SAMMSON: variants seen among roughly 807,000 people sequenced by gnomAD.
The protein encoded by SAMMSON is survival associated mitochondrial melanoma specific oncogenic non-coding RNA, also known as long intergenic non-protein coding RNA 1212.
chr3:70,205,830 A>G (rs539605821), intron 4 of SAMMSON: 1 of 152,238 alleles, frequency 6.6e-6, no homozygotes, highest in African/African-American at 2.4e-5. Context: ...CTTTCTTTAA[A>G]TGCTAATGTA....
Position 70,145,794 on chromosome 3 carries a change from A to G in SAMMSON, n.507+74229A>G, listed in dbSNP as rs553556091. ...CTTACCTTCCACCTTAAGAAACTAG[A>G]AAAAAAGAGAAATGTTAACCAAAAT... On this transcript the variant is annotated intron_variant and non_coding_transcript_variant, in intron 4 of 9. Transcript: ENST00000642114. Among the ~76,000 whole-genome samples, 405 of 152,092 alleles carry G rather than the reference A, an allele frequency of 2.7e-3. 3 individuals carry two copies. The highest frequency in any genetic ancestry group is 0.02 in the South Asian group (97 of 4,824).
chr3:70,098,406 C>T (rs2067330693), intron 4 of SAMMSON, among the ~76,000 whole-genome samples: 1 of 151,918 alleles, frequency 6.6e-6, no homozygotes, highest in Non-Finnish European at 1.5e-5. Context: ...CTCGCTCTCT[C>T]TCCCAGGCTG....
At chr3:70,294,049 G>A (rs1016088993) in intron 7 of SAMMSON, among the ~76,000 whole-genome samples, 1 of 152,008 alleles carries the variant, frequency 6.6e-6, no homozygotes, top group African/African-American at 2.4e-5. Flanking sequence ...TTTTTATTAA[G>A]GATACAGCTT....
At chr3:70,407,174 C>A (rs1701183974) in intron 2 of SAMMSON, among the ~76,000 whole-genome samples, 1 of 152,184 alleles carries the variant, frequency 6.6e-6, no homozygotes, top group Admixed American at 6.5e-5. Flanking sequence ...CCTCCCACAA[C>A]ACATGGGAAT....
chr3:70,405,375 A>G (rs1701169869), intron 2 of SAMMSON, among the ~76,000 whole-genome samples: 1 of 152,194 alleles, frequency 6.6e-6, no homozygotes, highest in African/African-American at 2.4e-5. Flanking sequence ...TCTAATCACA[A>G]ATTACTACAC....
chr3:70,062,986 C>T (rs1559783548), intron 3 of SAMMSON, among the ~76,000 whole-genome samples: 1 of 152,108 alleles, frequency 6.6e-6, no homozygotes, highest in Non-Finnish European at 1.5e-5. Context: ...TTGACTTCAT[C>T]ACCTGGTGTC....
intron 1 of SAMMSON, among the ~76,000 whole-genome samples, chr3:70,003,017 T>C (rs1171060694): frequency 1.3e-5 from 2 of 152,148 alleles, no homozygotes; most frequent in African/African-American, 4.8e-5. Flanking sequence ...TTTTGATTCA[T>C]GTATTTTGAG....
rs1414189476 is a variant in SAMMSON, at chr3:70,038,564, A to C, written n.417+24892A>C. Among the ~76,000 whole-genome samples the C allele has an allele frequency of 2.0e-5, 3 of 152,178 alleles. No individual in the cohort carries two copies. The East Asian group carries it at 5.8e-4, about 29-fold the overall frequency. ...TGTACTAAGACTAGTATCTTAACAT[A>C]ATTTATACAGAAAGGCATTTTGCAT... On this transcript the variant is annotated intron_variant and non_coding_transcript_variant, in intron 3 of 9. Coordinates refer to ENST00000642114, the Ensembl canonical transcript of SAMMSON.
intron 2 of SAMMSON, among the ~76,000 whole-genome samples, chr3:70,414,123 T>C (rs1480693817): frequency 1.3e-5 from 2 of 152,144 alleles, no homozygotes; most frequent in African/African-American, 4.8e-5. Flanking sequence ...TGAAAATCTC[T>C]AGTTTCTGAT....
intron 6 of SAMMSON, among the ~76,000 whole-genome samples, chr3:70,255,080 C>T (rs1172081524): frequency 6.6e-6 from 1 of 152,048 alleles, no homozygotes; most frequent in Admixed American, 6.6e-5. Flanking sequence ...GCAGGTAAAA[C>T]CTGTGGAACA....
intron 4 of SAMMSON, among the ~76,000 whole-genome samples, chr3:70,156,131 T>C (rs561465117): frequency 6.6e-6 from 1 of 152,158 alleles, no homozygotes; most frequent in African/African-American, 2.4e-5. Context: ...ACTAAGTCCA[T>C]TCCCCTACTT....
At chr3:70,416,766 T>C (rs1701267545) in intron 2 of SAMMSON, among the ~76,000 whole-genome samples, 2 of 152,202 alleles carry the variant, frequency 1.3e-5, no homozygotes, top group African/African-American at 4.8e-5. Context: ...TTAAATTTAG[T>C]GAAATTTATA....
At chr3:70,198,038 T>C (rs756888444) in intron 4 of SAMMSON, among the ~76,000 whole-genome samples, 1 of 152,210 alleles carries the variant, frequency 6.6e-6, no homozygotes, top group Admixed American at 6.5e-5. Flanking sequence ...GATGTAGCAG[T>C]TCTCTTGTTA....
chr3:70,293,045 CAAAAAAAAA>C (rs55990203), intron 7 of SAMMSON, among the ~76,000 whole-genome samples: 6,559 of 74,816 alleles, frequency 0.088, 458 homozygotes, highest in East Asian at 0.5. Context: ...TGGTTTGAAG[CAAAAAAAAA>C]AAAAAAAAAA....
intron 6 of SAMMSON, among the ~76,000 whole-genome samples, chr3:70,255,628 T>C (rs1294470750): frequency 6.6e-6 from 1 of 151,338 alleles, no homozygotes; most frequent in Non-Finnish European, 1.5e-5. Flanking sequence ...AGCCTGGCTA[T>C]TTTTTTTTCC....
chr3:70,255,283 C>A (rs1202752833), intron 6 of SAMMSON, among the ~76,000 whole-genome samples: 1 of 152,122 alleles, frequency 6.6e-6, no homozygotes, highest in Non-Finnish European at 1.5e-5. Flanking sequence ...AACAAAACTT[C>A]TATGAAAAAA....
At chr3:70,172,223 A>G (rs1700962883) in intron 4 of SAMMSON, 1 of 149,830 alleles carries the variant, frequency 6.7e-6, no homozygotes, top group African/African-American at 2.4e-5. Context: ...CTAGTTAGTT[A>G]TTGGAACAGA....
intron 2 of SAMMSON, among the ~76,000 whole-genome samples, chr3:70,422,759 A>T (rs1669716587): frequency 6.6e-6 from 1 of 151,996 alleles, no homozygotes. Context: ...GCACCCATAT[A>T]AATAAAAAAA....
intron 4 of SAMMSON, among the ~76,000 whole-genome samples, chr3:70,243,769 A>C (rs1457250523): frequency 6.6e-6 from 1 of 152,206 alleles, no homozygotes; most frequent in Non-Finnish European, 1.5e-5. Context: ...CAAGGCTGGC[A>C]TGATGTAAAG....
Sources: gnomAD v4.1 joint callset for allele counts (sites outside exome capture counted in the v4.1 genomes callset) on GRCh38, gnomAD v4.1.1 for gene constraint, MANE v1.5 for transcripts, NCBI Gene and HGNC (gene_info 2026-07-23, HGNC 2026-07-21) for gene names.